The following CSMD1 variants were observed in gnomAD, a reference collection of about 807,000 sequenced individuals.
CSMD1 encodes the protein CUB and Sushi multiple domains 1.
In CSMD1, 213 loss-of-function variants were observed where a neutral mutation model predicts 417.5. That is an observed-to-expected ratio of 0.51 (90% CI 0.46 to 0.57). CSMD1 has a LOEUF of 0.57. CSMD1 is among the 20% of genes least tolerant of loss of function. The pLI, the probability that CSMD1 is intolerant of heterozygous loss-of-function variation, is 0.00. For synonymous variants in CSMD1, 2,862 were observed against 1,736.8 expected (o/e 1.65, Z -16.11); for missense variants, 6,923 against 4,529.7 (o/e 1.53, Z -15.17).
At chr8:4,205,316 C>A (rs1191715787) in intron 3 of CSMD1, among the ~76,000 whole-genome samples, 3 of 152,178 alleles carry the variant, frequency 2.0e-5, no homozygotes, top group African/African-American at 7.2e-5. Flanking sequence ...GTTATTTACT[C>A]AGATATTCTA....
chr8:3,181,023 T>G (rs1014558093), intron 37 of CSMD1, 87 bp downstream of exon 37: 3 of 785,758 alleles, frequency 3.8e-6, no homozygotes, highest in Non-Finnish European at 6.3e-6. Flanking sequence ...AATATTTCAC[T>G]GTTTAATAAG....
At chr8:4,773,209 T>C (rs1796683677) in intron 1 of CSMD1, among the ~76,000 whole-genome samples, 1 of 152,158 alleles carries the variant, frequency 6.6e-6, no homozygotes, top group Non-Finnish European at 1.5e-5. Context: ...TTGAATGACA[T>C]GTCACAGCTC....
rs1278457888 is a variant in CSMD1, at chr8:4,085,417, G to C, written c.416-53318C>G. Among the ~76,000 whole-genome samples, 3 of 152,170 alleles carry C rather than the reference G, an allele frequency of 2.0e-5. No homozygotes were observed. In the South Asian group the frequency reaches 6.2e-4, roughly 32 times the overall value. On this transcript the variant is annotated intron_variant, in intron 3 of 69. Transcript: ENST00000635120. Reference sequence around the variant, plus strand: ...CAAAAAACTGATATTTTACATTGTGGTGATTTTGATTATTTAGAAAATGAG... The same window carrying C: ...CAAAAAACTGATATTTTACATTGTGCTGATTTTGATTATTTAGAAAATGAG...
At chr8:3,546,905 T>G (rs1468818458) in intron 10 of CSMD1, among the ~76,000 whole-genome samples, 3 of 152,250 alleles carry the variant, frequency 2.0e-5, no homozygotes, top group Non-Finnish European at 4.4e-5. Flanking sequence ...ATGTTTCCAC[T>G]GCTGCTTGAG....
At chr8:2,993,719 C>T (rs1036939772) in intron 54 of CSMD1, among the ~76,000 whole-genome samples, 2 of 152,210 alleles carry the variant, frequency 1.3e-5, no homozygotes, top group African/African-American at 2.4e-5. Flanking sequence ...TTTTAAAAGA[C>T]GAGCGTGGCT....
At position 3,740,592 on chromosome 8, in the gene CSMD1, C is replaced by T. The variant is rs574757794; in HGVS notation, c.931+13338G>A. Among the ~76,000 whole-genome samples, 381 of 152,142 alleles carry T rather than the reference C, an allele frequency of 2.5e-3. 1 individual carries two copies. The highest frequency in any genetic ancestry group is 0.01 in the Middle Eastern group (3 of 294). ...TATATGGCACACACAGGAAGGAGGACGAGCAGGGGCTGAGGTAGTGTGATT... is the reference window on the plus strand; with the variant it reads ...TATATGGCACACACAGGAAGGAGGATGAGCAGGGGCTGAGGTAGTGTGATT... On this transcript the variant is annotated intron_variant, in intron 6 of 69. Coordinates refer to ENST00000635120, the MANE Select transcript of CSMD1 (RefSeq NM_033225.6).
chr8:3,499,659 G>A (rs767002857), intron 10 of CSMD1, among the ~76,000 whole-genome samples: 1 of 151,982 alleles, frequency 6.6e-6, no homozygotes. Context: ...CTTGAGAGTG[G>A]CCTCCCGACT....
intron 33 of CSMD1, among the ~76,000 whole-genome samples, chr8:3,198,971 T>C (rs1211206324): frequency 6.6e-6 from 1 of 152,200 alleles, no homozygotes; most frequent in Non-Finnish European, 1.5e-5. Flanking sequence ...AACAAGATCA[T>C]TTCTTCCAGA....
chr8:4,849,489 C>G (rs758390964), intron 1 of CSMD1, among the ~76,000 whole-genome samples: 1 of 152,112 alleles, frequency 6.6e-6, no homozygotes, highest in Admixed American at 6.5e-5. Context: ...ATCTCACGTT[C>G]AATTATAACT....
chr8:4,328,555 G>A (rs1200390318), intron 3 of CSMD1, among the ~76,000 whole-genome samples: 20 of 151,624 alleles, frequency 1.3e-4, no homozygotes, highest in Admixed American at 9.2e-4. Flanking sequence ...TACACACTAT[G>A]TACCCACAAC....
intron 37 of CSMD1, among the ~76,000 whole-genome samples, chr8:3,167,291 G>GAAAAGAAAAAA (rs547453018): frequency 4.2e-4 from 43 of 102,612 alleles, no homozygotes; most frequent in South Asian, 1.9e-3. Context: ...CTTGGAAAAA[G>GAAAAGAAAAAA]AAAAAAAAAA....
intron 12 of CSMD1, among the ~76,000 whole-genome samples, chr8:3,424,995 C>T (rs1813735417): frequency 6.6e-6 from 1 of 152,098 alleles, no homozygotes; most frequent in Non-Finnish European, 1.5e-5. Flanking sequence ...CCACCACACC[C>T]AGATAATGAT....
chr8:4,426,936 T>C (rs1489612589), intron 2 of CSMD1, among the ~76,000 whole-genome samples: 1 of 152,024 alleles, frequency 6.6e-6, no homozygotes, highest in Non-Finnish European at 1.5e-5. Flanking sequence ...AGAGAAATTA[T>C]GGTAGAAGTA....
chr8:4,203,099 G>T (rs1054514661), intron 3 of CSMD1, among the ~76,000 whole-genome samples: 1 of 152,192 alleles, frequency 6.6e-6, no homozygotes, highest in Non-Finnish European at 1.5e-5. Context: ...AGTTATCTGT[G>T]TGGGTTCCCT....
chr8:3,435,292 A>G (rs1814478726), intron 12 of CSMD1, among the ~76,000 whole-genome samples: 1 of 151,414 alleles, frequency 6.6e-6, no homozygotes, highest in African/African-American at 2.5e-5. Context: ...CACTGCACAT[A>G]TTTCACTGGG....
chr8:4,201,992 T>C (rs1438305082), intron 3 of CSMD1, among the ~76,000 whole-genome samples: 1 of 152,158 alleles, frequency 6.6e-6, no homozygotes, highest in African/African-American at 2.4e-5. Flanking sequence ...ACTTGCATTT[T>C]GATGATTATA....
At chr8:3,724,799 C>A (rs529777119) in intron 6 of CSMD1, among the ~76,000 whole-genome samples, 7 of 152,318 alleles carry the variant, frequency 4.6e-5, no homozygotes, top group South Asian at 4.1e-4. Flanking sequence ...AGTACTTTGC[C>A]ATCAGCAGAA....
intron 3 of CSMD1, among the ~76,000 whole-genome samples, chr8:4,040,320 A>C (rs540513676): frequency 3.3e-5 from 5 of 152,316 alleles, no homozygotes; most frequent in African/African-American, 1.2e-4. Context: ...GTTTATATAT[A>C]TTGAGTATGT....
intron 26 of CSMD1, among the ~76,000 whole-genome samples, chr8:3,269,555 C>T (rs1255190054): frequency 3.9e-5 from 6 of 152,198 alleles, no homozygotes; most frequent in African/African-American, 9.7e-5. Context: ...GTAGCTGTTA[C>T]ATTACTACCA....
Sources: gnomAD v4.1 joint callset for allele counts (sites outside exome capture counted in the v4.1 genomes callset) on GRCh38, gnomAD v4.1.1 for gene constraint, MANE v1.5 for transcripts, NCBI Gene and HGNC (gene_info 2026-07-23, HGNC 2026-07-21) for gene names.